The following TTLL5 variants were observed in gnomAD, a reference collection of about 807,000 sequenced individuals.
TTLL5 encodes tubulin tyrosine ligase like 5, also known as tubulin polyglutamylase TTLL5.
A neutral mutation model predicts 168.4 loss-of-function variants in TTLL5; 132 were observed. That is an observed-to-expected ratio of 0.78 (90% CI 0.68 to 0.91). TTLL5 has a LOEUF of 0.91. Among genes scored for constraint, TTLL5 ranks in the 40% least tolerant of loss-of-function variants. TTLL5 has a pLI of 0.00. For missense variants in TTLL5, 1,545 were observed against 1,581.5 expected (o/e 0.98, Z 0.39); for synonymous variants, 546 against 558.6 (o/e 0.98, Z 0.32).
chr14:75,945,491 A>C (rs1024355393), intron 31 of TTLL5, among the ~76,000 whole-genome samples: 1 of 151,858 alleles, frequency 6.6e-6, no homozygotes, highest in Non-Finnish European at 1.5e-5. Context: ...TCTTGACCTC[A>C]TGATCTGCCC....
chr14:75,759,166 G>C (rs539179284), intron 18 of TTLL5, among the ~76,000 whole-genome samples: 3 of 152,250 alleles, frequency 2.0e-5, no homozygotes, highest in South Asian at 4.1e-4. Flanking sequence ...ATAGAAAAGA[G>C]AGGATTTCAC....
chr14:75,737,488 A>G, intron 15 of TTLL5: 1 of 1,414,876 alleles, frequency 7.1e-7, no homozygotes, highest in South Asian at 1.3e-5. Flanking sequence ...CCTTTTTTAT[A>G]TCATAGATCT....
chr14:75,793,913 A>G (rs920309121), intron 27 of TTLL5, among the ~76,000 whole-genome samples: 1 of 152,218 alleles, frequency 6.6e-6, no homozygotes, highest in Non-Finnish European at 1.5e-5. Flanking sequence ...TGATGTGCCA[A>G]ATTCCTTAAT....
At chr14:75,784,325 C>A (rs1892244590) in intron 26 of TTLL5, among the ~76,000 whole-genome samples, 1 of 152,124 alleles carries the variant, frequency 6.6e-6, no homozygotes, top group African/African-American at 2.4e-5. Context: ...CTATTCTGGA[C>A]ATTGTATATA....
chr14:75,839,986 G>C (rs1896133184), intron 28 of TTLL5, among the ~76,000 whole-genome samples: 1 of 152,132 alleles, frequency 6.6e-6, no homozygotes, highest in African/African-American at 2.4e-5. Context: ...TATATGATTT[G>C]TCAATATTTT....
chr14:75,721,484 G>A (rs1407019859), intron 12 of TTLL5, among the ~76,000 whole-genome samples: 1 of 152,194 alleles, frequency 6.6e-6, no homozygotes, highest in Non-Finnish European at 1.5e-5. Context: ...GTGGTGTGGA[G>A]TAATACAGGT....
At chr14:75,746,423 G>T (rs28889350) in intron 17 of TTLL5, among the ~76,000 whole-genome samples, 1 of 152,032 alleles carries the variant, frequency 6.6e-6, no homozygotes, top group African/African-American at 2.4e-5. Flanking sequence ...ATGTCTTTTC[G>T]TCATTTTCAG....
At chr14:75,945,577 T>A (rs1216362161) in intron 31 of TTLL5, among the ~76,000 whole-genome samples, 1 of 152,016 alleles carries the variant, frequency 6.6e-6, no homozygotes, top group Non-Finnish European at 1.5e-5. Context: ...TTAATAAACA[T>A]TCCCTTCTGC....
chr14:75,757,178 G>C (rs761540260), intron 18 of TTLL5, among the ~76,000 whole-genome samples: 2 of 151,978 alleles, frequency 1.3e-5, no homozygotes, highest in African/African-American at 2.4e-5. Flanking sequence ...GGGTTTCACC[G>C]TATTGCCCAG....
chr14:75,920,923 G>T lies in TTLL5; in HGVS notation c.3823+18699G>T, dbSNP rs114241748. 5.9e-5 allele frequency among the ~76,000 whole-genome samples: 9 copies of T among 152,294 alleles called. No homozygotes were observed. In the East Asian group the frequency reaches 1.7e-3, roughly 29 times the overall value. ...CTTTTTAATGATTGCCATTCTAATT[G>T]ACATGAGATGGTATCTCGTTGTGGT... is the stretch of plus-strand genomic sequence containing the variant. On this transcript the variant is annotated intron_variant, in intron 31 of 31. Transcript: ENST00000298832.
At chr14:75,819,713 G>T (rs1894719366) in intron 27 of TTLL5, among the ~76,000 whole-genome samples, 2 of 152,230 alleles carry the variant, frequency 1.3e-5, no homozygotes, top group South Asian at 4.1e-4. Context: ...CTACTCAGTA[G>T]ATTCTTGCTG....
At position 75,869,821 on chromosome 14, in the gene TTLL5, ATTT is replaced by A. The variant is rs10658095; in HGVS notation, c.3522+5973_3522+5975del. ...CTTGCAATGTATACATTCAACAAGT[ATTT>A]TTTTTTTTTTTTTGCGATGGAGTCT... On this transcript the variant is annotated intron_variant, in intron 29 of 31. Transcript: ENST00000298832. 3.9e-4 allele frequency among the ~76,000 whole-genome samples: 32 copies of A among 82,424 alleles called. 2 individuals carry two copies. Among genetic ancestry groups the A allele is most frequent in the African/African-American group, 1.3e-3 (26 of 20,024 alleles). 54.1% of individuals were successfully genotyped at this position (82,424 alleles called of 152,430 possible).
At chr14:75,733,947 T>C (rs750672589) in intron 13 of TTLL5, 42 bp from the exon 14 acceptor site, 1 of 1,598,008 alleles carries the variant, frequency 6.3e-7, no homozygotes, top group East Asian at 2.2e-5. Context: ...TCTGTTAACC[T>C]ACACACTTAT....
rs550630839 is a variant in TTLL5, at chr14:75,683,261, A to G, written c.265-289A>G. ...CTTCATACTCAGTTTCTGCAAGGAT[A>G]AGGAAAGCCTGAGAAAGAAATGCAA... is the stretch of plus-strand genomic sequence containing the variant. On this transcript the variant is annotated intron_variant, in intron 4 of 31. Transcript: ENST00000298832. Among the ~76,000 whole-genome samples the G allele has an allele frequency of 8.5e-5, 13 of 152,384 alleles. No homozygotes were observed. In the South Asian group the frequency reaches 2.7e-3, roughly 32 times the overall value.
chr14:75,884,540 A>G (rs1352762054), intron 30 of TTLL5, among the ~76,000 whole-genome samples: 2 of 152,210 alleles, frequency 1.3e-5, no homozygotes, highest in Non-Finnish European at 2.9e-5. Flanking sequence ...GGAAAACCGG[A>G]AACAGCTCAG....
intron 28 of TTLL5, among the ~76,000 whole-genome samples, chr14:75,833,440 A>G (rs1161605860): frequency 1.3e-5 from 2 of 152,172 alleles, no homozygotes; most frequent in Non-Finnish European, 2.9e-5. Flanking sequence ...AAGATCTTCC[A>G]TGTAAGTGTT....
At chr14:75,911,239 GC>G (rs2033372647) in intron 31 of TTLL5, among the ~76,000 whole-genome samples, 1 of 151,992 alleles carries the variant, frequency 6.6e-6, no homozygotes, top group Non-Finnish European at 1.5e-5. Flanking sequence ...CACCATGTTG[GC>G]CCGGCTGGCC....
intron 30 of TTLL5, among the ~76,000 whole-genome samples, chr14:75,893,353 G>A (rs1217566456): frequency 2.6e-5 from 4 of 152,166 alleles, no homozygotes; most frequent in Non-Finnish European, 5.9e-5. Flanking sequence ...TAAGCGTAGA[G>A]AGAAGTCTAA....
intron 31 of TTLL5, among the ~76,000 whole-genome samples, chr14:75,926,010 G>C (rs1023162748): frequency 3.3e-5 from 5 of 151,796 alleles, no homozygotes; most frequent in African/African-American, 9.7e-5. Flanking sequence ...GTATAGTCCA[G>C]CTTCGCCTTG....
Sources: gnomAD v4.1 joint callset for allele counts (sites outside exome capture counted in the v4.1 genomes callset) on GRCh38, gnomAD v4.1.1 for gene constraint, MANE v1.5 for transcripts, NCBI Gene and HGNC (gene_info 2026-07-23, HGNC 2026-07-21) for gene names.